Variants in GRIN2A observed in about 807,000 individuals in gnomAD.
The protein encoded by GRIN2A is glutamate ionotropic receptor NMDA type subunit 2A, also known as glutamate receptor ionotropic, NMDA 2A.
In GRIN2A, 22 loss-of-function variants were observed where a neutral mutation model predicts 113.4. That is an observed-to-expected ratio of 0.19 (90% CI 0.14 to 0.28). The LOEUF (loss-of-function observed/expected upper bound fraction) is 0.28, where lower values mean the gene tolerates loss of function less well. Ranked by LOEUF, GRIN2A falls within the 10% of genes least tolerant of loss-of-function variation. The probability of loss-of-function intolerance (pLI) is 1.00; values close to 1 mark genes in which losing one functional copy is unlikely to be tolerated. For missense variants in GRIN2A, 1,502 were observed against 1,887.0 expected, an observed-to-expected ratio of 0.80 and a Z score of 3.78; for synonymous variants, 827 against 738.4, an observed-to-expected ratio of 1.12 and a Z score of -1.94.
chr16:9,887,577 T>C (rs937402489), intron 4 of GRIN2A, among the ~76,000 whole-genome samples: 1 of 152,244 alleles, frequency 6.6e-6, no homozygotes, highest in Non-Finnish European at 1.5e-5. Context: ...CATTTCCTTG[T>C]TGATGGACAT....
chr16:9,934,196 T>C (rs1056853062), intron 3 of GRIN2A, among the ~76,000 whole-genome samples: 1 of 152,218 alleles, frequency 6.6e-6, no homozygotes, highest in Non-Finnish European at 1.5e-5. Context: ...GATTCTGTTG[T>C]TTTCTGTACT....
At chr16:9,812,149 G>A (rs2042098597) in intron 10 of GRIN2A, among the ~76,000 whole-genome samples, 1 of 152,078 alleles carries the variant, frequency 6.6e-6, no homozygotes, top group African/African-American at 2.4e-5. Context: ...TCAAAGCAGG[G>A]GCTCTGGCGT....
chr16:10,119,879 C>T (rs1343202832), intron 2 of GRIN2A, among the ~76,000 whole-genome samples: 1 of 152,168 alleles, frequency 6.6e-6, no homozygotes, highest in Non-Finnish European at 1.5e-5. Flanking sequence ...ATAATGGCCT[C>T]TGGCTCCATC....
intron 11 of GRIN2A, among the ~76,000 whole-genome samples, chr16:9,784,086 TATAG>T (rs1162549888): frequency 6.6e-6 from 1 of 152,152 alleles, no homozygotes; most frequent in Non-Finnish European, 1.5e-5. Flanking sequence ...AGTTTACCTA[TATAG>T]CAAACCCGTA....
intron 2 of GRIN2A, among the ~76,000 whole-genome samples, chr16:9,957,834 G>A (rs916612173): frequency 6.6e-6 from 1 of 152,250 alleles, no homozygotes; most frequent in Non-Finnish European, 1.5e-5. Flanking sequence ...ATAGACTTGG[G>A]CAGGTGAACA....
intron 3 of GRIN2A, among the ~76,000 whole-genome samples, chr16:9,931,878 T>C (rs185818521): frequency 6.6e-6 from 1 of 152,336 alleles, no homozygotes; most frequent in Non-Finnish European, 1.5e-5. Flanking sequence ...AGCACAAACT[T>C]AATGCTTTGC....
chr16:9,898,054 C>CTTTTTTTT (rs71402414), intron 3 of GRIN2A, among the ~76,000 whole-genome samples: 6 of 109,700 alleles, frequency 5.5e-5, no homozygotes, highest in East Asian at 2.7e-4. Context: ...CCTCCATTTC[C>CTTTTTTTT]TTTTTTTTTT....
chr16:10,026,764 C>G (rs1382416220), intron 2 of GRIN2A, among the ~76,000 whole-genome samples: 13 of 152,168 alleles, frequency 8.5e-5, no homozygotes, highest in Non-Finnish European at 2.9e-5. Context: ...AAACAAGAAC[C>G]AGGTCTGCTT....
intron 2 of GRIN2A, among the ~76,000 whole-genome samples, chr16:10,001,768 T>A (rs1048632832): frequency 6.6e-6 from 1 of 152,170 alleles, no homozygotes; most frequent in Non-Finnish European, 1.5e-5. Flanking sequence ...ATGAAATTCA[T>A]GGGGTAGGCA....
chr16:9,787,681 G>A (rs896537520), intron 11 of GRIN2A, among the ~76,000 whole-genome samples: 2 of 152,174 alleles, frequency 1.3e-5, no homozygotes, highest in Non-Finnish European at 1.5e-5. Flanking sequence ...TTTGTGACAT[G>A]TAGTTATCCT....
chr16:9,978,951 G>A (rs763809040), intron 2 of GRIN2A, among the ~76,000 whole-genome samples: 1 of 152,172 alleles, frequency 6.6e-6, no homozygotes, highest in Non-Finnish European at 1.5e-5. Context: ...TTAAAAAGTA[G>A]TGCCCACATT....
chr16:10,130,814 A>C (rs990708724), intron 2 of GRIN2A, among the ~76,000 whole-genome samples: 1 of 152,216 alleles, frequency 6.6e-6, no homozygotes, highest in Non-Finnish European at 1.5e-5. Context: ...GCAGGTCCCC[A>C]GGAAAGTAAA....
At chr16:9,832,032 C>A (rs1215908428) in intron 8 of GRIN2A, among the ~76,000 whole-genome samples, 1 of 152,094 alleles carries the variant, frequency 6.6e-6, no homozygotes, top group Non-Finnish European at 1.5e-5. Context: ...AATTCTCCTA[C>A]CTCAGCCTTC....
chr16:9,829,928 G>C (rs1206042091), intron 8 of GRIN2A, among the ~76,000 whole-genome samples: 2 of 152,180 alleles, frequency 1.3e-5, no homozygotes, highest in African/African-American at 4.8e-5. Flanking sequence ...GTTTGAATAA[G>C]TAGTGTTATG....
intron 5 of GRIN2A, among the ~76,000 whole-genome samples, chr16:9,842,085 T>C (rs990351690): frequency 1.3e-5 from 2 of 152,148 alleles, no homozygotes; most frequent in Non-Finnish European, 1.5e-5. Flanking sequence ...ACCCTGTCTC[T>C]ACTAAAAATA....
At chr16:10,030,121 C>T (rs2046901371) in intron 2 of GRIN2A, among the ~76,000 whole-genome samples, 1 of 152,046 alleles carries the variant, frequency 6.6e-6, no homozygotes, top group Admixed American at 6.5e-5. Context: ...AGCTGGGCTG[C>T]CTATGGACAG....
intron 11 of GRIN2A, among the ~76,000 whole-genome samples, chr16:9,790,182 T>A (rs1902520624): frequency 6.6e-6 from 1 of 152,196 alleles, no homozygotes; most frequent in Non-Finnish European, 1.5e-5. Flanking sequence ...TGCCTGGAGA[T>A]ACCCCAACTG....
intron 4 of GRIN2A, among the ~76,000 whole-genome samples, chr16:9,866,372 G>C (rs1419920208): frequency 6.6e-6 from 1 of 152,094 alleles, no homozygotes; most frequent in Non-Finnish European, 1.5e-5. Context: ...ATGCACAAAA[G>C]CTTAGAAGCT....
chr16:9,881,239 T>C (rs2043475114), intron 4 of GRIN2A, among the ~76,000 whole-genome samples: 1 of 152,250 alleles, frequency 6.6e-6, no homozygotes, highest in Admixed American at 6.5e-5. Flanking sequence ...TTATTCAAGA[T>C]GCAACAAGAT....
Sources: allele counts gnomAD v4.1 joint callset (sites outside exome capture counted in the v4.1 genomes callset), GRCh38; gene constraint gnomAD v4.1.1; transcripts MANE v1.5; gene names NCBI Gene and HGNC (gene_info 2026-07-23, HGNC 2026-07-21).